PRPF18: variants seen among roughly 807,000 people sequenced by gnomAD.
PRPF18 encodes the protein pre-mRNA processing factor 18.
PRPF18 carries 38 observed loss-of-function variants against 46.5 expected under a neutral mutation model. The observed-to-expected ratio is 0.82, with a 90% CI of 0.63 to 1.07. The LOEUF is 1.07. Ranked by LOEUF, PRPF18 falls within the 50% of genes least tolerant of loss-of-function variation. The probability of loss-of-function intolerance (pLI) is 0.00; values close to 1 mark genes in which losing one functional copy is unlikely to be tolerated. For synonymous variants in PRPF18, 152 were observed against 146.7 expected (o/e 1.04, Z -0.26); for missense variants, 263 against 410.0 (o/e 0.64, Z 3.10).
the PRPF18 span, among the ~76,000 whole-genome samples, chr10:13,636,496 C>A: frequency 6.6e-6 from 1 of 152,144 alleles, no homozygotes; most frequent in Non-Finnish European, 1.5e-5. Context: ...TGTTACGCGT[C>A]AAGTGTCTGT....
chr10:13,597,731 G>A, intron 2 of PRPF18, 196 bp downstream of exon 2: 1 of 1,445,400 alleles, frequency 6.9e-7, no homozygotes, highest in Non-Finnish European at 9.5e-7. Flanking sequence ...ATACATGCAT[G>A]ACTTTTGGCT....
chr10:13,621,919 A>G (rs2080425641), intron 9 of PRPF18, among the ~76,000 whole-genome samples: 1 of 152,204 alleles, frequency 6.6e-6, no homozygotes. Context: ...CTATGCTAGC[A>G]TTTGCCAAAT....
chr10:13,635,231 C>G (rs1310035978), downstream of PRPF18, among the ~76,000 whole-genome samples: 1 of 152,174 alleles, frequency 6.6e-6, no homozygotes, highest in Non-Finnish European at 1.5e-5. Flanking sequence ...GATCTCATTC[C>G]TTTGTATGGC....
At chr10:13,616,661 G>T (rs751529667) in intron 9 of PRPF18, 108 bp downstream of exon 9, 1 of 1,393,852 alleles carries the variant, frequency 7.2e-7, no homozygotes. Flanking sequence ...AGAACATAGC[G>T]TGATAGGATG....
At chr10:13,608,984 C>T (rs1412094269) in intron 4 of PRPF18, among the ~76,000 whole-genome samples, 19 of 152,184 alleles carry the variant, frequency 1.2e-4, no homozygotes, top group Admixed American at 1.2e-3. Context: ...TCTGGGAATG[C>T]CTGGCGTCAT....
intron 6 of PRPF18, among the ~76,000 whole-genome samples, chr10:13,613,271 G>A (rs1453850516): frequency 6.6e-6 from 1 of 152,080 alleles, no homozygotes; most frequent in East Asian, 1.9e-4. Flanking sequence ...TGGGAATGCT[G>A]GGTCTTGGCT....
rs202029846 is a variant in PRPF18 at position 13,610,044 on chromosome 10, G to A, written c.369G>A (p.Leu123=). The A allele has an allele frequency of 4.4e-6, 7 of 1,608,280 alleles. No homozygotes were observed. The East Asian group carries it at 1.3e-4, about 31-fold the overall frequency. Residue 123 remains leucine (L), a synonymous_variant, in exon 5 of 10, where the codon TTG becomes TTA. Coordinates refer to ENST00000378572, the MANE Select transcript of PRPF18 (RefSeq NM_003675.4). ...CCTTTTTTTGCTTTTCTTAGGGATT[G>A]AGGAATGATTTGAAAGCAGCCTTGG... The part of the protein sequence containing the change: ...EILTPEVNKG[L]RNDLKAALDK...
At chr10:13,635,750 A>C (rs1031425924), downstream of PRPF18, among the ~76,000 whole-genome samples, 5 of 152,040 alleles carry the variant, frequency 3.3e-5, no homozygotes, top group Admixed American at 1.3e-4. Context: ...AGTTGTTTGG[A>C]AAACCACCGA....
intron 1 of PRPF18, among the ~76,000 whole-genome samples, chr10:13,589,332 A>G (rs1402115357): frequency 6.6e-6 from 1 of 152,236 alleles, no homozygotes; most frequent in Admixed American, 6.5e-5. Context: ...CTTGCAACTC[A>G]ATTACTTTCC....
intron 1 of PRPF18, among the ~76,000 whole-genome samples, chr10:13,587,372 C>A (rs2079890371): frequency 6.6e-6 from 1 of 152,174 alleles, no homozygotes; most frequent in Admixed American, 6.5e-5. Flanking sequence ...GAGTACAATT[C>A]GTGCTGACTT....
chr10:13,607,671 G>A (rs535878309), intron 4 of PRPF18, among the ~76,000 whole-genome samples: 6 of 152,090 alleles, frequency 3.9e-5, no homozygotes, highest in Admixed American at 6.5e-5. Context: ...TTGGCCTCCC[G>A]AAGTGCCCGG....
intron 9 of PRPF18, among the ~76,000 whole-genome samples, chr10:13,621,724 GAAT>G (rs1258162130): frequency 1.6e-4 from 24 of 152,216 alleles, no homozygotes; most frequent in African/African-American, 5.8e-4. Flanking sequence ...GAAGATTAAG[GAAT>G]AATAATCTTC....
intron 2 of PRPF18, among the ~76,000 whole-genome samples, chr10:13,598,183 A>G (rs1343414331): frequency 6.6e-6 from 1 of 152,148 alleles, no homozygotes; most frequent in Non-Finnish European, 1.5e-5. Flanking sequence ...TTGCTTGTAT[A>G]TTTTAGAAGA....
At chr10:13,654,414 A>AC in the PRPF18 span, 8 of 1,584,958 alleles carry the variant, frequency 5.0e-6, no homozygotes. Flanking sequence ...AGGAGAACTC[A>AC]CCCAGTCTGC....
chr10:13,589,691 C>T lies in PRPF18; in HGVS notation c.66+2539C>T, dbSNP rs547067471. On this transcript the variant is annotated intron_variant, in intron 1 of 9. Coordinates refer to ENST00000378572, the MANE Select transcript of PRPF18 (RefSeq NM_003675.4). Reference sequence around the variant, plus strand: ...AGGGTCTACAGGACCCATGGAAATCCGTGCATCACAGAATATCTGACTTAG... The same window carrying T: ...AGGGTCTACAGGACCCATGGAAATCTGTGCATCACAGAATATCTGACTTAG... 3.9e-4 allele frequency among the ~76,000 whole-genome samples: 60 copies of T among 152,284 alleles called. 2 individuals carry two copies. In the South Asian group the frequency reaches 0.011, roughly 27 times the overall value.
chr10:13,637,525 T>C, the PRPF18 span, among the ~76,000 whole-genome samples: 1 of 152,366 alleles, frequency 6.6e-6, no homozygotes, highest in Middle Eastern at 3.4e-3. Flanking sequence ...TTTCCCCTAC[T>C]GAATTGCCTG....
intron 9 of PRPF18, among the ~76,000 whole-genome samples, chr10:13,627,298 G>C (rs2080522808): frequency 6.6e-6 from 1 of 152,166 alleles, no homozygotes; most frequent in South Asian, 2.1e-4. Context: ...TTCGATCTCA[G>C]GAGGGTGGGA....
the PRPF18 span, chr10:13,642,569 A>C: frequency 6.6e-6 from 1 of 152,224 alleles, no homozygotes; most frequent in Admixed American, 6.5e-5. Flanking sequence ...AGATTGATAG[A>C]TGAAGAGGTG....
chr10:13,629,019 C>T (rs1369756480), intron 9 of PRPF18, among the ~76,000 whole-genome samples: 6 of 152,152 alleles, frequency 3.9e-5, no homozygotes, highest in East Asian at 1.9e-4. Context: ...AGCTAAATGT[C>T]GACCAAGGAT....
Sources: allele counts gnomAD v4.1 joint callset (sites outside exome capture counted in the v4.1 genomes callset), GRCh38; gene constraint gnomAD v4.1.1; transcripts MANE v1.5; gene names NCBI Gene and HGNC (gene_info 2026-07-23, HGNC 2026-07-21).